PDGFD: variants seen among roughly 807,000 people sequenced by gnomAD.
PDGFD encodes the protein platelet-derived growth factor D.
Under a neutral mutation model 44.7 loss-of-function variants are expected in PDGFD, and 30 were observed. The ratio of observed to expected loss-of-function variants is 0.67; its 90% CI spans 0.50 to 0.91. PDGFD has a LOEUF of 0.91. Among genes scored for constraint, PDGFD ranks in the 40% least tolerant of loss-of-function variants. PDGFD has a pLI of 0.00. For missense variants in PDGFD, 445 were observed against 457.8 expected (o/e 0.97, Z 0.25); for synonymous variants, 173 against 168.4 (o/e 1.03, Z -0.21).
At chr11:103,955,250 C>A (rs1193472121) in intron 3 of PDGFD, among the ~76,000 whole-genome samples, 1 of 129,016 alleles carries the variant, frequency 7.8e-6, no homozygotes, top group Non-Finnish European at 1.6e-5. Context: ...ATTCTTTCAA[C>A]AAATTCTAAG....
intron 1 of PDGFD, among the ~76,000 whole-genome samples, chr11:104,012,996 T>G (rs983699756): frequency 2.0e-5 from 3 of 152,220 alleles, no homozygotes; most frequent in African/African-American, 7.2e-5. Context: ...TACCCAAATG[T>G]TGCTCTTTCT....
At position 103,920,150 on chromosome 11, in the gene PDGFD, A is replaced by G. The variant is rs192750622; in HGVS notation, c.987+6762T>C. ...ATGACAAACAGCTCAACAGTGTTAT[A>G]TTAAGAAGTTAAGCTTGAAGGTGAC... On this transcript the variant is annotated intron_variant, in intron 6 of 6. Coordinates refer to ENST00000393158, the MANE Select transcript of PDGFD (RefSeq NM_025208.5). Among the ~76,000 whole-genome samples the G allele has an allele frequency of 3.3e-3, 502 of 152,354 alleles. 7 individuals carry two copies. Among genetic ancestry groups the G allele is most frequent in the African/African-American group, 0.012 (487 of 41,590 alleles).
chr11:103,956,270 T>A (rs1028821492), intron 3 of PDGFD, among the ~76,000 whole-genome samples: 13 of 151,300 alleles, frequency 8.6e-5, no homozygotes, highest in Non-Finnish European at 1.9e-4. Context: ...TGTCCATGTG[T>A]TCTCATTGTT....
At chr11:104,137,192 T>C (rs1273445343) in intron 1 of PDGFD, among the ~76,000 whole-genome samples, 1 of 152,182 alleles carries the variant, frequency 6.6e-6, no homozygotes, top group African/African-American at 2.4e-5. Context: ...TTCTGTTGTT[T>C]AGAATTTCAG....
intron 1 of PDGFD, among the ~76,000 whole-genome samples, chr11:104,124,561 G>C (rs1367863384): frequency 6.6e-6 from 1 of 151,936 alleles, no homozygotes; most frequent in Non-Finnish European, 1.5e-5. Context: ...CATTTTTTCA[G>C]GATGGATTCA....
chr11:104,152,253 G>T (rs546328150), intron 1 of PDGFD, among the ~76,000 whole-genome samples: 3 of 152,172 alleles, frequency 2.0e-5, no homozygotes, highest in South Asian at 4.1e-4. Flanking sequence ...ATTCCAAGTT[G>T]CTCTCACTTC....
intron 1 of PDGFD, among the ~76,000 whole-genome samples, chr11:104,153,585 T>G (rs1484919326): frequency 1.3e-5 from 2 of 152,074 alleles, no homozygotes; most frequent in Non-Finnish European, 2.9e-5. Flanking sequence ...GACTCAACAG[T>G]TCATTCAAAA....
intron 1 of PDGFD, among the ~76,000 whole-genome samples, chr11:104,044,666 G>T (rs1359984934): frequency 6.6e-6 from 1 of 152,120 alleles, no homozygotes; most frequent in Non-Finnish European, 1.5e-5. Flanking sequence ...GTTGCCAGTG[G>T]TTCCACTCCA....
At chr11:103,986,448 T>C (rs533672521) in intron 3 of PDGFD, among the ~76,000 whole-genome samples, 1 of 152,316 alleles carries the variant, frequency 6.6e-6, no homozygotes, top group East Asian at 1.9e-4. Context: ...TGCTCTTTTG[T>C]AGGGGGGAAC....
intron 1 of PDGFD, among the ~76,000 whole-genome samples, chr11:104,014,730 C>T (rs1171879754): frequency 1.3e-5 from 2 of 152,152 alleles, no homozygotes; most frequent in Non-Finnish European, 2.9e-5. Context: ...GTTTATGCTA[C>T]AAAATTGGTG....
chr11:104,012,358 A>T (rs1037546755), intron 1 of PDGFD, among the ~76,000 whole-genome samples: 1 of 152,212 alleles, frequency 6.6e-6, no homozygotes, highest in Non-Finnish European at 1.5e-5. Context: ...ATTCAATGTA[A>T]AAAAGGCTTG....
At chr11:104,111,028 G>T (rs897034925) in intron 1 of PDGFD, among the ~76,000 whole-genome samples, 1 of 151,994 alleles carries the variant, frequency 6.6e-6, no homozygotes, top group South Asian at 2.1e-4. Context: ...TCTACAGGAA[G>T]AAAATGTTCT....
intron 1 of PDGFD, among the ~76,000 whole-genome samples, chr11:104,072,335 G>T (rs774641203): frequency 4.6e-5 from 7 of 151,530 alleles, no homozygotes; most frequent in Admixed American, 6.6e-5. Flanking sequence ...TTTTCCTGTA[G>T]ATTTTATTTT....
chr11:103,998,038 A>T (rs1249836942), intron 2 of PDGFD, among the ~76,000 whole-genome samples: 1 of 152,176 alleles, frequency 6.6e-6, no homozygotes, highest in African/African-American at 2.4e-5. Flanking sequence ...AAAAGGACTC[A>T]CTGCTAGGAT....
At chr11:103,982,414 A>G (rs1008687213) in intron 3 of PDGFD, among the ~76,000 whole-genome samples, 2 of 151,734 alleles carry the variant, frequency 1.3e-5, no homozygotes, top group African/African-American at 4.9e-5. Context: ...CCTACCTACA[A>G]GGAGCTTTTG....
At chr11:103,933,661 A>G (rs1858441673) in intron 5 of PDGFD, among the ~76,000 whole-genome samples, 1 of 152,232 alleles carries the variant, frequency 6.6e-6, no homozygotes, top group African/African-American at 2.4e-5. Flanking sequence ...AGCAACTACT[A>G]TGTATCCAGC....
At chr11:103,922,356 A>G (rs1452141007) in intron 6 of PDGFD, among the ~76,000 whole-genome samples, 2 of 152,176 alleles carry the variant, frequency 1.3e-5, no homozygotes, top group Middle Eastern at 3.2e-3. Flanking sequence ...GGTTCAGGAC[A>G]CTGTACTCCC....
intron 6 of PDGFD, among the ~76,000 whole-genome samples, chr11:103,921,579 AC>A (rs1011851644): frequency 2.0e-5 from 3 of 148,278 alleles, no homozygotes; most frequent in Admixed American, 6.8e-5. Flanking sequence ...ATGCATTAAT[AC>A]CCCCCCATAA....
intron 3 of PDGFD, among the ~76,000 whole-genome samples, chr11:103,983,533 CA>C (rs1011690160): frequency 6.6e-6 from 1 of 151,680 alleles, no homozygotes; most frequent in African/African-American, 2.4e-5. Flanking sequence ...ATAAATATGC[CA>C]AAAACAACTG....
Sources: gnomAD v4.1 joint callset for allele counts (sites outside exome capture counted in the v4.1 genomes callset) on GRCh38, gnomAD v4.1.1 for gene constraint, MANE v1.5 for transcripts, NCBI Gene and HGNC (gene_info 2026-07-23, HGNC 2026-07-21) for gene names.